NELL1: variants seen among roughly 807,000 people sequenced by gnomAD.
NELL1 encodes neural EGFL like 1.
In NELL1, 76 loss-of-function variants were observed where a neutral mutation model predicts 107.4. The ratio of observed to expected loss-of-function variants is 0.71; its 90% CI spans 0.59 to 0.86. The LOEUF is 0.86. Ranked by LOEUF, NELL1 falls within the 40% of genes least tolerant of loss-of-function variation. The pLI, the probability that NELL1 is intolerant of heterozygous loss-of-function variation, is 0.00. For synonymous variants in NELL1, 353 were observed against 341.2 expected, an observed-to-expected ratio of 1.03 and a Z score of -0.38; for missense variants, 1,024 against 1,005.5, an observed-to-expected ratio of 1.02 and a Z score of -0.25.
intron 2 of NELL1, among the ~76,000 whole-genome samples, chr11:20,732,808 G>A (rs79643287): frequency 0.016 from 2,381 of 152,200 alleles, 28 homozygotes; most frequent in South Asian, 0.032. Context: ...GCTTATTGTC[G>A]GCGGGGAGGC....
intron 14 of NELL1, among the ~76,000 whole-genome samples, chr11:21,314,048 C>T (rs987553783): frequency 2.5e-5 from 3 of 118,036 alleles, no homozygotes; most frequent in African/African-American, 9.1e-5. Context: ...ATGTGAAGTG[C>T]CTATTCTGGC....
chr11:20,675,767 TTTTTC>T (rs1023888903), intron 1 of NELL1, among the ~76,000 whole-genome samples: 8 of 152,196 alleles, frequency 5.3e-5, no homozygotes, highest in East Asian at 1.9e-4. Context: ...CCTCTCTTCT[TTTTTC>T]TTTTCTTTTC....
At chr11:21,385,768 A>G (rs1166723554) in intron 15 of NELL1, among the ~76,000 whole-genome samples, 1 of 151,892 alleles carries the variant, frequency 6.6e-6, no homozygotes, top group Admixed American at 6.6e-5. Flanking sequence ...AGTAGCATCA[A>G]TGACTCGCTC....
chr11:21,261,266 A>C (rs994973194), intron 14 of NELL1, among the ~76,000 whole-genome samples: 2 of 149,284 alleles, frequency 1.3e-5, no homozygotes, highest in African/African-American at 4.9e-5. Flanking sequence ...TGTGTCATGG[A>C]GGTTTGTTGT....
chr11:21,336,921 G>C (rs1850415230), intron 14 of NELL1, among the ~76,000 whole-genome samples: 1 of 151,920 alleles, frequency 6.6e-6, no homozygotes, highest in South Asian at 2.1e-4. Flanking sequence ...CTTAAATAAA[G>C]AGATACCTGG....
intron 15 of NELL1, among the ~76,000 whole-genome samples, chr11:21,526,622 C>T (rs1178526836): frequency 2.6e-5 from 4 of 152,244 alleles, no homozygotes; most frequent in Non-Finnish European, 4.4e-5. Flanking sequence ...CGTACATCCT[C>T]TGAAATCTAG....
intron 15 of NELL1, among the ~76,000 whole-genome samples, chr11:21,425,314 G>A (rs1564887748): frequency 6.6e-6 from 1 of 152,240 alleles, no homozygotes; most frequent in Admixed American, 6.5e-5. Flanking sequence ...TCCATACCTA[G>A]GTAGGTATCA....
intron 12 of NELL1, among the ~76,000 whole-genome samples, chr11:21,073,939 AG>A (rs2134383509): frequency 6.6e-6 from 1 of 152,314 alleles, no homozygotes; most frequent in South Asian, 2.1e-4. Flanking sequence ...ACAACAAAAA[AG>A]ATTTAAGCTA....
intron 2 of NELL1, among the ~76,000 whole-genome samples, chr11:20,738,193 A>G (rs576322207): frequency 2.8e-4 from 42 of 152,214 alleles, no homozygotes; most frequent in African/African-American, 9.9e-4. Context: ...TTTCCAGGTA[A>G]GCATCCCAGA....
intron 3 of NELL1, among the ~76,000 whole-genome samples, chr11:20,797,117 C>G (rs754147773): frequency 6.6e-6 from 1 of 152,062 alleles, no homozygotes; most frequent in Non-Finnish European, 1.5e-5. Context: ...GTAAGCAATG[C>G]GTAATGGTTT....
chr11:21,356,642 G>A (rs1850940348), intron 14 of NELL1, among the ~76,000 whole-genome samples: 1 of 152,156 alleles, frequency 6.6e-6, no homozygotes, highest in African/African-American at 2.4e-5. Flanking sequence ...GTAGATGCTT[G>A]ATAATATTTT....
At chr11:20,724,090 C>A (rs1200450039) in intron 2 of NELL1, among the ~76,000 whole-genome samples, 1 of 151,880 alleles carries the variant, frequency 6.6e-6, no homozygotes, top group African/African-American at 2.4e-5. Flanking sequence ...CTGCACAGAG[C>A]AGCTGGGCCC....
chr11:20,880,943 G>A (rs1464859498), intron 4 of NELL1, among the ~76,000 whole-genome samples: 1 of 152,078 alleles, frequency 6.6e-6, no homozygotes, highest in Non-Finnish European at 1.5e-5. Flanking sequence ...TTTTCGGTGG[G>A]GTGGAGGGGC....
At chr11:20,755,865 G>GTTTTTTTT (rs574606148) in intron 2 of NELL1, among the ~76,000 whole-genome samples, 43 of 122,076 alleles carry the variant, frequency 3.5e-4, no homozygotes, top group South Asian at 5.2e-4. Context: ...CAGACCTGCG[G>GTTTTTTTT]TTTTTTTTTT....
chr11:21,572,423 A>G (rs749398109), intron 18 of NELL1, among the ~76,000 whole-genome samples: 9 of 149,204 alleles, frequency 6.0e-5, no homozygotes, highest in Non-Finnish European at 8.8e-5. Context: ...AACATGGCCT[A>G]TACCTACACA....
intron 9 of NELL1, among the ~76,000 whole-genome samples, chr11:20,929,490 T>C (rs750106581): frequency 3.1e-4 from 47 of 152,186 alleles, no homozygotes; most frequent in Middle Eastern, 3.4e-3. Flanking sequence ...GGGGATGTAC[T>C]TGGAGTTGCT....
chr11:20,719,660 A>G (rs973363913), intron 2 of NELL1, among the ~76,000 whole-genome samples: 1 of 152,120 alleles, frequency 6.6e-6, no homozygotes, highest in African/African-American at 2.4e-5. Flanking sequence ...TAGTCTTGAA[A>G]AACTCTGTCA....
At chr11:20,849,381 T>G (rs904436076) in intron 4 of NELL1, among the ~76,000 whole-genome samples, 5 of 152,216 alleles carry the variant, frequency 3.3e-5, no homozygotes, top group Non-Finnish European at 7.3e-5. Context: ...CAGTGCTCAG[T>G]CTACATTTGT....
At chr11:20,803,827 G>A (rs942386435) in intron 3 of NELL1, among the ~76,000 whole-genome samples, 1 of 152,014 alleles carries the variant, frequency 6.6e-6, no homozygotes, top group Non-Finnish European at 1.5e-5. Flanking sequence ...AATCTGGGTG[G>A]GCACAGTCTA....
Sources: allele counts gnomAD v4.1 joint callset (sites outside exome capture counted in the v4.1 genomes callset), GRCh38; gene constraint gnomAD v4.1.1; transcripts MANE v1.5; gene names NCBI Gene and HGNC (gene_info 2026-07-23, HGNC 2026-07-21).